The following SLMAP variants were observed in gnomAD, a reference collection of about 807,000 sequenced individuals.
The protein encoded by SLMAP is sarcolemma associated protein.
SLMAP carries 44 observed loss-of-function variants against 128.8 expected under a neutral mutation model. The ratio of observed to expected loss-of-function variants is 0.34; its 90% CI spans 0.27 to 0.44. The LOEUF is 0.44. Ranked by LOEUF, SLMAP falls within the 20% of genes least tolerant of loss-of-function variation. The pLI is 1.00. For synonymous variants in SLMAP, 327 were observed against 348.8 expected (o/e 0.94, Z 0.70); for missense variants, 787 against 985.3 (o/e 0.80, Z 2.69).
chr3:57,893,055 G>C (rs1235457610), intron 15 of SLMAP, among the ~76,000 whole-genome samples: 1 of 151,498 alleles, frequency 6.6e-6, no homozygotes, highest in Non-Finnish European at 1.5e-5. Context: ...GGATGGTCTC[G>C]ATCTCCTGAC....
Position 57,927,301 on chromosome 3 carries a change from C to T in SLMAP, c.*12C>T. On this transcript the variant is annotated 3_prime_UTR_variant, in exon 25 of 25. Coordinates refer to ENST00000671191, the MANE Select transcript of SLMAP (RefSeq NM_001377540.1). ...CTTGGTTTCTTTCCACACAGAAACC[C>T]TGGCCCTGGATGCCCATGTTGGCTG... The T allele has an allele frequency of 6.2e-7, 1 of 1,604,300 alleles. No homozygotes were observed. The highest frequency in any genetic ancestry group is 8.5e-7 in the Non-Finnish European group (1 of 1,173,336).
At chr3:57,813,015 T>C (rs2091265124) in intron 2 of SLMAP, among the ~76,000 whole-genome samples, 1 of 152,074 alleles carries the variant, frequency 6.6e-6, no homozygotes, top group South Asian at 2.1e-4. Flanking sequence ...AGTTTTTTTC[T>C]GGACCATTTA....
intron 14 of SLMAP, among the ~76,000 whole-genome samples, chr3:57,873,849 T>C (rs2095541542): frequency 6.6e-6 from 1 of 151,850 alleles, no homozygotes; most frequent in South Asian, 2.1e-4. Flanking sequence ...GGCTGGGAGC[T>C]GTGGCTTATG....
chr3:57,910,889 A>T (rs1463727577), intron 19 of SLMAP, among the ~76,000 whole-genome samples: 1 of 152,196 alleles, frequency 6.6e-6, no homozygotes, highest in Non-Finnish European at 1.5e-5. Context: ...CTTGCCCAAA[A>T]ATATCGCAGA....
chr3:57,819,224 T>G (rs2092264086), intron 2 of SLMAP, among the ~76,000 whole-genome samples: 1 of 152,182 alleles, frequency 6.6e-6, no homozygotes, highest in African/African-American at 2.4e-5. Flanking sequence ...AGGAGATATA[T>G]CTCTCAAAGA....
chr3:57,848,316 T>G (rs1470096208), intron 5 of SLMAP, among the ~76,000 whole-genome samples: 3 of 151,058 alleles, frequency 2.0e-5, no homozygotes, highest in Non-Finnish European at 3.0e-5. Context: ...CTCTCCCTTC[T>G]TCTCCCCCTT....
At chr3:57,872,249 C>G (rs1423537707) in intron 14 of SLMAP, among the ~76,000 whole-genome samples, 1 of 152,124 alleles carries the variant, frequency 6.6e-6, no homozygotes, top group African/African-American at 2.4e-5. Context: ...TTGCAGTGAG[C>G]CGAGATCGCA....
intron 2 of SLMAP, among the ~76,000 whole-genome samples, chr3:57,821,241 C>T (rs1427941796): frequency 6.6e-6 from 1 of 152,018 alleles, no homozygotes; most frequent in Non-Finnish European, 1.5e-5. Context: ...CTTTTTCTTT[C>T]TCCACTTTTC....
intron 14 of SLMAP, among the ~76,000 whole-genome samples, chr3:57,885,941 G>T (rs2095874214): frequency 6.7e-6 from 1 of 148,878 alleles, no homozygotes; most frequent in Non-Finnish European, 1.5e-5. Flanking sequence ...GCATCACCAT[G>T]CCCAGCTAAT....
At chr3:57,884,810 A>G (rs2095837245) in intron 14 of SLMAP, among the ~76,000 whole-genome samples, 1 of 151,900 alleles carries the variant, frequency 6.6e-6, no homozygotes, top group South Asian at 2.1e-4. Flanking sequence ...CCTTGTCTCA[A>G]AAAAAAATAA....
rs1029733052 is a variant in SLMAP, at chr3:57,915,497, C to T, written c.2139-1409C>T. ...AAGTAGTATTTAGAAGCTAGTCTTCCTTTACAGGGTCTTATGTGCCATTTA... is the reference window on the plus strand; with the variant it reads ...AAGTAGTATTTAGAAGCTAGTCTTCTTTTACAGGGTCTTATGTGCCATTTA... On this transcript the variant is annotated intron_variant, in intron 21 of 24. Coordinates refer to ENST00000671191, the MANE Select transcript of SLMAP (RefSeq NM_001377540.1). 2.6e-4 allele frequency among the ~76,000 whole-genome samples: 39 copies of T among 152,192 alleles called. 2 individuals are homozygous for T.
intron 17 of SLMAP, chr3:57,897,841 A>T (rs1041971916): frequency 4.6e-5 from 7 of 152,268 alleles, no homozygotes; most frequent in African/African-American, 1.4e-4. Flanking sequence ...ATAAATCAGC[A>T]TTTATAAAAA....
chr3:57,928,520 T>C lies in SLMAP; in HGVS notation c.*1231T>C, dbSNP rs2097041391. On this transcript the variant is annotated 3_prime_UTR_variant, in exon 25 of 25. Transcript: ENST00000671191. ...AAGATTAATAGTGTTCTATGCACAA[T>C]GAAGCACCTAAAAACACTGCTTGAT... 1 of 152,212 alleles carries C rather than the reference T, an allele frequency of 6.6e-6. No homozygotes were observed. The highest frequency in any genetic ancestry group is 1.5e-5 in the Non-Finnish European group (1 of 68,020). The allele number at this position is 152,212 out of a possible 1,614,324, so 9.4% of individuals were successfully genotyped here. A position where few individuals can be genotyped will look rare whatever the true frequency, so the allele number is the denominator to read the frequency against.
chr3:57,767,249 A>G (rs1393446382), intron 2 of SLMAP, among the ~76,000 whole-genome samples: 4 of 152,174 alleles, frequency 2.6e-5, no homozygotes, highest in African/African-American at 4.8e-5. Flanking sequence ...GACATAAACA[A>G]CAAAATAACT....
chr3:57,760,075 G>C (rs1418618519), intron 2 of SLMAP, among the ~76,000 whole-genome samples: 3 of 152,160 alleles, frequency 2.0e-5, no homozygotes, highest in African/African-American at 4.8e-5. Context: ...GAGTAGCTGG[G>C]ATCACAGGCG....
chr3:57,874,047 TG>T (rs2095546139), intron 14 of SLMAP, among the ~76,000 whole-genome samples: 1 of 152,030 alleles, frequency 6.6e-6, no homozygotes, highest in African/African-American at 2.4e-5. Context: ...CACTTGAACC[TG>T]GGAGACGGAG....
At position 57,816,127 on chromosome 3, in the gene SLMAP, GTGTTTGTTTGTT is replaced by G. The variant is rs554703436; in HGVS notation, c.199-15234_199-15223del. On this transcript the variant is annotated intron_variant, in intron 2 of 24. Coordinates refer to ENST00000671191, the MANE Select transcript of SLMAP (RefSeq NM_001377540.1). The stretch of plus-strand genomic sequence containing the variant: ...GATACAGCTTGAATTTAAACCGTTT[GTGTTTGTTTGTT>G]TGTTTGTTTGTTTGTTTGTTTTGAG... Among the ~76,000 whole-genome samples the G allele has an allele frequency of 2.3e-4, 35 of 151,482 alleles. No individual in the cohort carries two copies. In the South Asian group the frequency reaches 5.4e-3, roughly 24 times the overall value.
intron 21 of SLMAP, 45 bp downstream of exon 21, chr3:57,913,320 T>C: frequency 1.3e-6 from 1 of 793,044 alleles, no homozygotes; most frequent in South Asian, 2.0e-5. Flanking sequence ...TATTTCTTTA[T>C]CTTAAATTTT....
intron 24 of SLMAP, 62 bp from the exon 25 acceptor site, chr3:57,927,234 G>T: frequency 9.7e-7 from 1 of 1,026,698 alleles, no homozygotes; most frequent in East Asian, 2.5e-5. Context: ...GAACCAAGGG[G>T]TTAATAGGTA....
Sources: gnomAD v4.1 joint callset for allele counts (sites outside exome capture counted in the v4.1 genomes callset) on GRCh38, gnomAD v4.1.1 for gene constraint, MANE v1.5 for transcripts, NCBI Gene and HGNC (gene_info 2026-07-23, HGNC 2026-07-21) for gene names.